Variants in TBC1D30 observed in about 807,000 individuals in gnomAD.
The protein encoded by TBC1D30 is TBC1 domain family, member 30.
TBC1D30 carries 31 observed loss-of-function variants against 63.2 expected under a neutral mutation model. The observed-to-expected ratio is 0.49, with a 90% CI of 0.37 to 0.66. TBC1D30 has a LOEUF of 0.66. Ranked by LOEUF, TBC1D30 falls within the 30% of genes least tolerant of loss-of-function variation. TBC1D30 has a pLI of 0.00. For missense variants in TBC1D30, 810 were observed against 953.6 expected (o/e 0.85, Z 1.98); for synonymous variants, 307 against 361.5 (o/e 0.85, Z 1.71).
chr12:64,868,346 GA>G, intron 10 of TBC1D30: 1 of 163,368 alleles, frequency 6.1e-6, no homozygotes, highest in Non-Finnish European at 1.3e-5. Flanking sequence ...AGATTCCATT[GA>G]AGATCTGACA....
intron 2 of TBC1D30, among the ~76,000 whole-genome samples, chr12:64,811,492 G>T (rs541513581): frequency 6.6e-6 from 1 of 152,166 alleles, no homozygotes; most frequent in Non-Finnish European, 1.5e-5. Context: ...AATCATGTCT[G>T]CAGTTTCTAA....
rs80067006 is a variant in TBC1D30, at chr12:64,791,414, T to C, written c.643+5369T>C. Reference sequence around the variant, plus strand: ...AAGTGTTAAAAATGTAATATACCCATGGAAGCTTTGGAAAATACAGAAATG... The same window carrying C: ...AAGTGTTAAAAATGTAATATACCCACGGAAGCTTTGGAAAATACAGAAATG... On this transcript the variant is annotated intron_variant, in intron 2 of 12. Coordinates refer to the TBC1D30 transcript ENST00000542120. 4.8e-3 allele frequency among the ~76,000 whole-genome samples: 731 copies of C among 152,314 alleles called. 3 individuals carry two copies. The highest frequency in any genetic ancestry group is 0.012 in the South Asian group (60 of 4,830).
intron 8 of TBC1D30, among the ~76,000 whole-genome samples, chr12:64,857,743 G>A (rs969105291): frequency 1.3e-5 from 2 of 152,198 alleles, no homozygotes; most frequent in Admixed American, 1.3e-4. Context: ...CTGCACTGGC[G>A]AGGCTTGCTG....
At chr12:64,769,885 A>T (rs1457293207) in intron 1 of TBC1D30, among the ~76,000 whole-genome samples, 1 of 152,198 alleles carries the variant, frequency 6.6e-6, no homozygotes, top group African/African-American at 2.4e-5. Context: ...TTAATTTTTA[A>T]TGTAAAGTAT....
At chr12:64,765,209 A>C (rs560211169) in intron 1 of TBC1D30, among the ~76,000 whole-genome samples, 81 of 152,236 alleles carry the variant, frequency 5.3e-4, no homozygotes, top group African/African-American at 1.8e-3. Context: ...ATTACTACAC[A>C]GGGCCGGGCA....
chr12:64,864,595 A>G, intron 8 of TBC1D30, 73 bp from the exon 9 acceptor site: 1 of 1,041,988 alleles, frequency 9.6e-7, no homozygotes, highest in Non-Finnish European at 1.4e-6. Flanking sequence ...TAAAACTTTA[A>G]TGTCTTTCCA....
intron 6 of TBC1D30, 73 bp from the exon 7 acceptor site, chr12:64,838,610 A>T: frequency 7.1e-7 from 1 of 1,408,472 alleles, no homozygotes; most frequent in Non-Finnish European, 9.6e-7. Context: ...GACATGGAAG[A>T]CTAGAAAAGG....
At position 64,824,843 on chromosome 12, in the gene TBC1D30, C is replaced by A. The variant is rs1874157957; in HGVS notation, c.-37C>A. On this transcript the variant is annotated 5_prime_UTR_variant, in exon 1 of 12. Coordinates refer to ENST00000539867, the MANE Select transcript of TBC1D30 (RefSeq NM_015279.2). ...GCGAGTGGGGTAGCGGGGACCGAGA[C>A]GGACGGTAGCCGTGCCAGAGCCCGG... 2.0e-6 allele frequency: 3 copies of A among 1,526,470 alleles called. No individual in the cohort carries two copies. Among genetic ancestry groups the A allele is most frequent in the African/African-American group, 1.4e-5 (1 of 72,880 alleles). The allele number at this position is 1,526,470 out of a possible 1,614,324, so 94.6% of individuals were successfully genotyped here. A position where few individuals can be genotyped will look rare whatever the true frequency, so the allele number is the denominator to read the frequency against.
chr12:64,761,802 A>G (rs1870523929), intron 1 of TBC1D30, among the ~76,000 whole-genome samples: 1 of 152,212 alleles, frequency 6.6e-6, no homozygotes, highest in Admixed American at 6.5e-5. Context: ...CTTTCTTAAT[A>G]AACTTTCTTT....
At chr12:64,775,167 C>T (rs1871038035) in intron 1 of TBC1D30, among the ~76,000 whole-genome samples, 1 of 151,406 alleles carries the variant, frequency 6.6e-6, no homozygotes, top group Non-Finnish European at 1.5e-5. Context: ...CTAGCCACTG[C>T]AAAAACACAC....
chr12:64,771,074 A>G (rs1239748203), intron 1 of TBC1D30, among the ~76,000 whole-genome samples: 1 of 151,948 alleles, frequency 6.6e-6, no homozygotes, highest in African/African-American at 2.4e-5. Flanking sequence ...ACAGCATTAA[A>G]CCAGGAGTAA....
upstream of TBC1D30, chr12:64,824,536 C>T (rs1874112019): frequency 8.1e-6 from 2 of 245,832 alleles, no homozygotes; most frequent in Admixed American, 5.6e-5. Context: ...GGGGCGGCCC[C>T]GCCTGCGCAC....
Position 64,868,688 on chromosome 12 carries a change from G to A in TBC1D30, c.1291+1785G>A, listed in dbSNP as rs140718401. On this transcript the variant is annotated intron_variant, in intron 10 of 11. Coordinates refer to ENST00000539867, the MANE Select transcript of TBC1D30 (RefSeq NM_015279.2). ...CAGGAACCTTCTTTTTCTTCTCTTC[G>A]ACACCCTCCATGGTTCCAGCTGGAA... 1.1e-3 allele frequency: 299 copies of A among 270,446 alleles called. 1 individual carries two copies. Among genetic ancestry groups the A allele is most frequent in the African/African-American group, 5.8e-3 (253 of 43,982 alleles). 16.8% of individuals were successfully genotyped at this position (270,446 alleles called of 1,614,324 possible).
At chr12:64,795,124 A>T (rs925594931) in intron 2 of TBC1D30, among the ~76,000 whole-genome samples, 4 of 152,144 alleles carry the variant, frequency 2.6e-5, no homozygotes, top group Non-Finnish European at 5.9e-5. Flanking sequence ...GGCAGGGCTT[A>T]TTGACTTTGA....
Position 64,876,902 on chromosome 12 carries a change from A to G in TBC1D30, c.*1114A>G. The G allele has an allele frequency of 4.4e-6, 2 of 456,082 alleles. No homozygotes were observed. The highest frequency in any genetic ancestry group is 8.8e-6 in the Non-Finnish European group (2 of 226,802). 28.3% of individuals were successfully genotyped at this position (456,082 alleles called of 1,614,324 possible). On this transcript the variant is annotated 3_prime_UTR_variant, in exon 12 of 12. Coordinates refer to ENST00000539867, the MANE Select transcript of TBC1D30 (RefSeq NM_015279.2). ...ACTATGCAGATGGGAACTCTGAGCC[A>G]CACAGAGGTGAAGTAGCACTTCAGT...
chr12:64,801,723 G>A (rs1872590302), intron 2 of TBC1D30, among the ~76,000 whole-genome samples: 1 of 152,108 alleles, frequency 6.6e-6, no homozygotes, highest in African/African-American at 2.4e-5. Flanking sequence ...TACATGAGGA[G>A]GGAATAGAGA....
At chr12:64,867,795 T>C (rs577311814) in intron 10 of TBC1D30, among the ~76,000 whole-genome samples, 1 of 152,346 alleles carries the variant, frequency 6.6e-6, no homozygotes, top group Admixed American at 6.5e-5. Context: ...CAAGACACTT[T>C]GCTTGATTCT....
chr12:64,792,289 C>T (rs2136303833), intron 2 of TBC1D30, among the ~76,000 whole-genome samples: 1 of 152,310 alleles, frequency 6.6e-6, no homozygotes, highest in Admixed American at 6.5e-5. Context: ...ATCTCTCTCC[C>T]CCACATTTGT....
At chr12:64,833,296 C>T (rs964840937) in intron 5 of TBC1D30, among the ~76,000 whole-genome samples, 3 of 152,068 alleles carry the variant, frequency 2.0e-5, no homozygotes, top group Non-Finnish European at 4.4e-5. Context: ...ATTTTAAAAA[C>T]ATGTTGAGAT....
Sources: allele counts gnomAD v4.1 joint callset (sites outside exome capture counted in the v4.1 genomes callset), GRCh38; gene constraint gnomAD v4.1.1; transcripts MANE v1.5; gene names NCBI Gene and HGNC (gene_info 2026-07-23, HGNC 2026-07-21).